Variants in TBC1D19 observed in about 807,000 individuals in gnomAD.
TBC1D19 encodes the protein TBC1 domain family member 19, also known as TBC1 domain family, member 19.
TBC1D19 carries 60 observed loss-of-function variants against 89.0 expected under a neutral mutation model. The ratio of observed to expected loss-of-function variants is 0.67; its 90% CI spans 0.55 to 0.84. The LOEUF is 0.84. Ranked by LOEUF, TBC1D19 falls within the 40% of genes least tolerant of loss-of-function variation. The pLI is 0.00. For missense variants in TBC1D19, 500 were observed against 610.8 expected (o/e 0.82, Z 1.91); for synonymous variants, 189 against 199.7 (o/e 0.95, Z 0.45).
intron 12 of TBC1D19, among the ~76,000 whole-genome samples, chr4:26,685,877 A>G (rs530666461): frequency 6.6e-6 from 1 of 152,350 alleles, no homozygotes; most frequent in Middle Eastern, 3.4e-3. Context: ...GCTAAAAAAA[A>G]GTAAGGAGTG....
chr4:26,822,906 C>A, the TBC1D19 span, among the ~76,000 whole-genome samples: 4 of 152,210 alleles, frequency 2.6e-5, no homozygotes, highest in Non-Finnish European at 1.5e-5. Context: ...CCCTTCCCCA[C>A]CTTGATTTTC....
the TBC1D19 span, among the ~76,000 whole-genome samples, chr4:26,828,389 T>C: frequency 3.3e-5 from 5 of 152,348 alleles, no homozygotes; most frequent in Admixed American, 2.6e-4. Flanking sequence ...AAGAAAGTAC[T>C]GAGACAACTT....
At chr4:26,604,148 C>CTTT (rs1173641270) in intron 1 of TBC1D19, among the ~76,000 whole-genome samples, 66 of 120,698 alleles carry the variant, frequency 5.5e-4, no homozygotes, top group African/African-American at 1.2e-3. Context: ...TTTTCTTTTT[C>CTTT]TTTTTTTTTT....
intron 3 of TBC1D19, among the ~76,000 whole-genome samples, chr4:26,620,353 G>T (rs1396760476): frequency 6.6e-6 from 1 of 152,168 alleles, no homozygotes; most frequent in African/African-American, 2.4e-5. Context: ...GTATGTGTTT[G>T]TGATTATTGG....
chr4:26,617,914 C>G (rs544911912), intron 3 of TBC1D19, among the ~76,000 whole-genome samples: 125 of 152,258 alleles, frequency 8.2e-4, no homozygotes, highest in African/African-American at 3.0e-3. Flanking sequence ...TAGAGAGTTA[C>G]AAGTGTCAAA....
At chr4:26,641,679 GAAAAAAGATT>G (rs1743550147) in intron 7 of TBC1D19, among the ~76,000 whole-genome samples, 1 of 152,080 alleles carries the variant, frequency 6.6e-6, no homozygotes, top group Admixed American at 6.5e-5. Context: ...TAAAAACCTT[GAAAAAAGATT>G]AGACGAATGG....
At chr4:26,660,012 G>A (rs540686285) in intron 8 of TBC1D19, among the ~76,000 whole-genome samples, 1 of 152,238 alleles carries the variant, frequency 6.6e-6, no homozygotes, top group South Asian at 2.1e-4. Context: ...AACTGATTGA[G>A]ACAAATTGTG....
intron 7 of TBC1D19, among the ~76,000 whole-genome samples, chr4:26,642,861 A>G (rs1743644011): frequency 6.6e-6 from 1 of 152,242 alleles, no homozygotes; most frequent in South Asian, 2.1e-4. Flanking sequence ...TAAGGGATCA[A>G]TTCAACAAGA....
chr4:26,640,189 T>C lies in TBC1D19; in HGVS notation c.480+2T>C, dbSNP rs774180067. On this transcript the variant is annotated splice_donor_variant, in intron 7 of 20. Transcript: ENST00000264866. LOFTEE classifies it high-confidence loss of function. ...TATGCACCTAAGGATTTTCTTGAGG[T>C]AGGTTCTATTGGATAAATACACATA... 9 of 1,602,704 alleles carry C rather than the reference T, an allele frequency of 5.6e-6. No homozygotes were observed. The highest frequency in any genetic ancestry group is 7.7e-6 in the Non-Finnish European group (9 of 1,170,512).
At chr4:26,657,795 GT>G (rs1202255734) in intron 7 of TBC1D19, among the ~76,000 whole-genome samples, 2 of 152,130 alleles carry the variant, frequency 1.3e-5, no homozygotes, top group African/African-American at 4.8e-5. Context: ...GTGTGAGATG[GT>G]TTCTCATTGT....
At chr4:26,741,628 CTTT>C (rs559984512) in intron 17 of TBC1D19, among the ~76,000 whole-genome samples, 1 of 141,502 alleles carries the variant, frequency 7.1e-6, no homozygotes, top group Non-Finnish European at 1.6e-5. Context: ...TGCCTCTGTC[CTTT>C]TTTTTTTTTT....
chr4:26,748,559 C>T (rs1300630501), intron 19 of TBC1D19, 33 bp downstream of exon 19: 2 of 1,461,450 alleles, frequency 1.4e-6, no homozygotes, highest in Non-Finnish European at 1.9e-6. Flanking sequence ...AGAACACATG[C>T]TGTTTCTATA....
At chr4:26,749,207 A>G (rs2109330408) in intron 19 of TBC1D19, among the ~76,000 whole-genome samples, 1 of 152,232 alleles carries the variant, frequency 6.6e-6, no homozygotes, top group East Asian at 1.9e-4. Context: ...TAATTATATT[A>G]TTTTGCTTCT....
intron 19 of TBC1D19, 148 bp downstream of exon 19, chr4:26,748,674 A>C (rs1718782177): frequency 4.9e-6 from 3 of 617,526 alleles, no homozygotes; most frequent in Non-Finnish European, 8.5e-6. Context: ...GACGATAAGT[A>C]CGAACAAAAA....
At chr4:26,721,273 A>T (rs1716958423) in intron 15 of TBC1D19, among the ~76,000 whole-genome samples, 1 of 152,050 alleles carries the variant, frequency 6.6e-6, no homozygotes. Context: ...AAAAGAAAAA[A>T]GAAGAAACTA....
chr4:26,740,855 A>T (rs1164541758), intron 17 of TBC1D19: 2 of 985,186 alleles, frequency 2.0e-6, no homozygotes, highest in Admixed American at 1.2e-4. Context: ...ATATATTCCT[A>T]TTTCACCTTC....
the TBC1D19 span, among the ~76,000 whole-genome samples, chr4:26,822,626 C>T: frequency 1.3e-5 from 2 of 152,188 alleles, no homozygotes; most frequent in Middle Eastern, 3.4e-3. Context: ...TTGTTTCGAC[C>T]CCTCTTGATA....
chr4:26,751,223 G>A (rs1393329561), intron 19 of TBC1D19, among the ~76,000 whole-genome samples: 2 of 152,154 alleles, frequency 1.3e-5, no homozygotes, highest in Non-Finnish European at 2.9e-5. Context: ...GAGCACATAA[G>A]CATTTTGGAT....
At chr4:26,664,203 T>C (rs939864600) in intron 8 of TBC1D19, among the ~76,000 whole-genome samples, 6 of 152,140 alleles carry the variant, frequency 3.9e-5, no homozygotes, top group African/African-American at 1.4e-4. Flanking sequence ...AAGGATAATA[T>C]ATGTGCATAA....
Sources: allele counts gnomAD v4.1 joint callset (sites outside exome capture counted in the v4.1 genomes callset), GRCh38; gene constraint gnomAD v4.1.1; transcripts MANE v1.5; gene names NCBI Gene and HGNC (gene_info 2026-07-23, HGNC 2026-07-21).